NMNAT2: variants seen among roughly 807,000 people sequenced by gnomAD.
NMNAT2 encodes the protein nicotinamide/nicotinic acid mononucleotide adenylyltransferase 2.
Under a neutral mutation model 41.6 loss-of-function variants are expected in NMNAT2, and 11 were observed. The ratio of observed to expected loss-of-function variants is 0.26; its 90% CI spans 0.17 to 0.44. NMNAT2 has a LOEUF of 0.44. Among genes scored for constraint, NMNAT2 ranks in the 20% least tolerant of loss-of-function variants. The pLI, the probability that NMNAT2 is intolerant of heterozygous loss-of-function variation, is 1.00. For synonymous variants in NMNAT2, 148 were observed against 151.2 expected (o/e 0.98, Z 0.16); for missense variants, 288 against 407.7 (o/e 0.71, Z 2.53).
At chr1:183,335,251 A>C (rs1662659595) in intron 1 of NMNAT2, among the ~76,000 whole-genome samples, 1 of 152,164 alleles carries the variant, frequency 6.6e-6, no homozygotes, top group South Asian at 2.1e-4. Context: ...AACACCATCT[A>C]CTCAGATGTC....
intron 1 of NMNAT2, among the ~76,000 whole-genome samples, chr1:183,397,680 A>T (rs1329865773): frequency 2.6e-5 from 4 of 152,236 alleles, no homozygotes; most frequent in Admixed American, 1.3e-4. Context: ...GTTACCCACA[A>T]AGGGAAGCCT....
At chr1:183,362,863 C>T (rs1170356098) in intron 1 of NMNAT2, among the ~76,000 whole-genome samples, 1 of 152,122 alleles carries the variant, frequency 6.6e-6, no homozygotes, top group Non-Finnish European at 1.5e-5. Flanking sequence ...GGCAGCTGTA[C>T]CATTTTATAT....
intron 1 of NMNAT2, among the ~76,000 whole-genome samples, chr1:183,352,986 T>C (rs1470909685): frequency 6.6e-6 from 1 of 152,140 alleles, no homozygotes; most frequent in Non-Finnish European, 1.5e-5. Context: ...GAAAGGAGGC[T>C]CTAGCCATCT....
intron 1 of NMNAT2, among the ~76,000 whole-genome samples, chr1:183,399,714 A>G (rs953127937): frequency 3.3e-5 from 5 of 152,220 alleles, no homozygotes; most frequent in Middle Eastern, 3.2e-3. Context: ...CTTATCCACC[A>G]TGATCAAGTT....
intron 1 of NMNAT2, among the ~76,000 whole-genome samples, chr1:183,381,904 A>C (rs1663810165): frequency 1.3e-5 from 2 of 152,348 alleles, no homozygotes; most frequent in African/African-American, 4.8e-5. Flanking sequence ...GTTCTAGATC[A>C]CATAGCTGGT....
intron 1 of NMNAT2, among the ~76,000 whole-genome samples, chr1:183,330,088 C>A (rs556371870): frequency 6.6e-6 from 1 of 152,308 alleles, no homozygotes; most frequent in East Asian, 1.9e-4. Context: ...GCCAGAGTGT[C>A]CAGGTTCAAA....
chr1:183,321,362 A>G (rs1023038279), intron 1 of NMNAT2, among the ~76,000 whole-genome samples: 1 of 152,236 alleles, frequency 6.6e-6, no homozygotes, highest in Admixed American at 6.5e-5. Context: ...CTAGGGTAGG[A>G]AAGGAGTTTA....
In NMNAT2 at chr1:183,364,429, G is replaced by A. The variant is rs548008131; in HGVS notation, c.85+53754C>T. Among the ~76,000 whole-genome samples, 10 of 152,176 alleles carry A rather than the reference G, an allele frequency of 6.6e-5. No homozygotes were observed. The East Asian group carries it at 1.5e-3, about 24-fold the overall frequency. ...ATCTGTATACAATCACTAGAAGGGA[G>A]GAGTGAAAAACATAACCCATTTCTT... On this transcript the variant is annotated intron_variant, in intron 1 of 10. Coordinates refer to ENST00000287713, the MANE Select transcript of NMNAT2 (RefSeq NM_015039.4).
At chr1:183,348,852 A>G (rs1662987629) in intron 1 of NMNAT2, among the ~76,000 whole-genome samples, 1 of 152,200 alleles carries the variant, frequency 6.6e-6, no homozygotes, top group South Asian at 2.1e-4. Context: ...CTTCCCTGAA[A>G]TGACATCCCC....
chr1:183,387,702 C>G lies in NMNAT2; in HGVS notation c.85+30481G>C, dbSNP rs183193697. ...CATGGTATTCTCTCTGATGAAATGG[C>G]TTTCCCCTCCTCTTCCCCACCAAAT... On this transcript the variant is annotated intron_variant, in intron 1 of 10. Transcript: ENST00000287713. Among the ~76,000 whole-genome samples the G allele has an allele frequency of 1.3e-4, 20 of 152,320 alleles. No individual in the cohort carries two copies. The East Asian group carries it at 3.7e-3, about 28-fold the overall frequency.
chr1:183,345,225 C>A (rs1025172327), intron 1 of NMNAT2, among the ~76,000 whole-genome samples: 2 of 152,088 alleles, frequency 1.3e-5, no homozygotes, highest in Non-Finnish European at 2.9e-5. Context: ...TCTTTTCATC[C>A]ACTACCTTCT....
intron 8 of NMNAT2, among the ~76,000 whole-genome samples, chr1:183,273,459 A>G (rs1260258107): frequency 1.3e-5 from 2 of 152,242 alleles, no homozygotes; most frequent in African/African-American, 4.8e-5. Flanking sequence ...CTGAAACAGA[A>G]GCAGGTCTCA....
At chr1:183,388,269 T>C (rs1349372697) in intron 1 of NMNAT2, among the ~76,000 whole-genome samples, 1 of 152,006 alleles carries the variant, frequency 6.6e-6, no homozygotes. Context: ...CTGAAGAATA[T>C]GGAGGCGCAC....
intron 8 of NMNAT2, among the ~76,000 whole-genome samples, chr1:183,263,144 C>T (rs1334249068): frequency 2.0e-5 from 3 of 152,142 alleles, no homozygotes; most frequent in Admixed American, 2.0e-4. Context: ...GCAGCTGGAG[C>T]TCTGATGTCG....
intron 1 of NMNAT2, among the ~76,000 whole-genome samples, chr1:183,304,256 T>C (rs1051790464): frequency 1.3e-5 from 2 of 152,204 alleles, no homozygotes; most frequent in Non-Finnish European, 2.9e-5. Flanking sequence ...TATGATATTT[T>C]GCAGGTAATG....
At chr1:183,272,620 G>A (rs1456555895) in intron 8 of NMNAT2, among the ~76,000 whole-genome samples, 1 of 152,184 alleles carries the variant, frequency 6.6e-6, no homozygotes, top group Non-Finnish European at 1.5e-5. Context: ...ATTTCTGGAT[G>A]GAGAGCTTTG....
chr1:183,260,901 A>C (rs943885949), intron 10 of NMNAT2, 101 bp downstream of exon 10: 4 of 863,204 alleles, frequency 4.6e-6, no homozygotes, highest in Non-Finnish European at 4.0e-6. Flanking sequence ...AGGGCAGCAG[A>C]TGTCTGCCTG....
At chr1:183,366,377 A>G (rs1571621816) in intron 1 of NMNAT2, among the ~76,000 whole-genome samples, 1 of 152,340 alleles carries the variant, frequency 6.6e-6, no homozygotes, top group East Asian at 1.9e-4. Context: ...AGTGCTTAGA[A>G]TATTGGCACA....
At position 183,290,102 on chromosome 1, in the gene NMNAT2, G is replaced by C. The variant is rs202213749; in HGVS notation, c.321+26C>G. Reference sequence around the variant, plus strand: ...CCGCCCTTGCACTCTGGTGGTTCACGCATCCCCAGGCTTGGCCCAGCTCAC... The same window carrying C: ...CCGCCCTTGCACTCTGGTGGTTCACCCATCCCCAGGCTTGGCCCAGCTCAC... On this transcript the variant is annotated intron_variant, in intron 4 of 10. Transcript: ENST00000287713. 3.2e-6 allele frequency: 5 copies of C among 1,546,728 alleles called. No individual in the cohort carries two copies. In the South Asian group the frequency reaches 3.6e-5, roughly 11 times the overall value.
Sources: gnomAD v4.1 joint callset for allele counts (sites outside exome capture counted in the v4.1 genomes callset) on GRCh38, gnomAD v4.1.1 for gene constraint, MANE v1.5 for transcripts, NCBI Gene and HGNC (gene_info 2026-07-23, HGNC 2026-07-21) for gene names.